The following ADARB1 variants were observed in gnomAD, a reference collection of about 807,000 sequenced individuals.
ADARB1 encodes the protein double-stranded RNA-specific editase 1.
In ADARB1, 10 loss-of-function variants were observed where a neutral mutation model predicts 52.4. That is an observed-to-expected ratio of 0.19 (90% CI 0.12 to 0.32). ADARB1 has a LOEUF of 0.32. ADARB1 is among the 10% of genes least tolerant of loss of function. ADARB1 has a pLI of 1.00. For missense variants in ADARB1, 643 were observed against 922.3 expected, an observed-to-expected ratio of 0.70 and a Z score of 3.92; for synonymous variants, 349 against 371.1, an observed-to-expected ratio of 0.94 and a Z score of 0.68.
chr21:45,190,769 T>C (rs1033017429), intron 8 of ADARB1, among the ~76,000 whole-genome samples: 4 of 152,226 alleles, frequency 2.6e-5, no homozygotes, highest in Non-Finnish European at 5.9e-5. Flanking sequence ...CCGAGTCTGA[T>C]GAGACTCAGG....
chr21:45,126,543 C>T (rs866429614), intron 1 of ADARB1, among the ~76,000 whole-genome samples: 61 of 152,168 alleles, frequency 4.0e-4, no homozygotes, highest in African/African-American at 1.2e-3. Context: ...GCACCATCTG[C>T]GGCGGGTGTT....
rs181594186 is a variant in ADARB1, at chr21:45,130,367, G to A, written c.-48+1794G>A. ...CATAGAAAAAATAATCAGGCCAGAA[G>A]GAGATATCTAAAGCATGTGCTGAGA... On this transcript the variant is annotated intron_variant, in intron 2 of 10. Coordinates refer to ENST00000348831, the MANE Select transcript of ADARB1 (RefSeq NM_001112.4). Among the ~76,000 whole-genome samples the A allele has an allele frequency of 3.1e-3, 474 of 152,258 alleles. 2 individuals are homozygous for A. The highest frequency in any genetic ancestry group is 0.014 in the Middle Eastern group (4 of 294).
In ADARB1 at chr21:45,172,537, A is replaced by C. The variant is rs2091526278; in HGVS notation, c.28+853A>C. Among the ~76,000 whole-genome samples, 1 of 151,900 alleles carries C rather than the reference A, an allele frequency of 6.6e-6. No homozygotes were observed. Among genetic ancestry groups the C allele is most frequent in the African/African-American group, 2.4e-5 (1 of 41,330 alleles). On this transcript the variant is annotated intron_variant, in intron 3 of 10. Transcript: ENST00000348831. The surrounding 1 kb of genome is among the most constrained non-coding windows in gnomAD (Gnocchi z 4.4). The stretch of plus-strand genomic sequence containing the variant: ...ACCGATGATCTGGGGTCTTGGAGTC[A>C]CTCTTGCGTACCATGTAGAACCCAA...
chr21:45,080,865 G>A (rs942506347), intron 1 of ADARB1, among the ~76,000 whole-genome samples: 6 of 152,124 alleles, frequency 3.9e-5, no homozygotes, highest in African/African-American at 1.4e-4. Flanking sequence ...TGTTGCTTTG[G>A]GCCTGTTGCA....
chr21:45,143,513 T>C (rs1004102524), intron 2 of ADARB1, among the ~76,000 whole-genome samples: 5 of 152,226 alleles, frequency 3.3e-5, no homozygotes, highest in African/African-American at 9.6e-5. Flanking sequence ...TGAGTGTTCC[T>C]TTTAAAACTA....
At chr21:45,181,830 A>T (rs2091942149) in intron 5 of ADARB1, among the ~76,000 whole-genome samples, 1 of 152,208 alleles carries the variant, frequency 6.6e-6, no homozygotes, top group African/African-American at 2.4e-5. Context: ...CCTCATCTAT[A>T]CAGTGGAGAC....
chr21:45,181,590 G>A (rs1339341394), intron 5 of ADARB1: 2 of 152,642 alleles, frequency 1.3e-5, no homozygotes, highest in African/African-American at 4.8e-5. Context: ...TGTTGTTGTT[G>A]TTGTTTTGTT....
chr21:45,083,935 A>G (rs965573584), intron 1 of ADARB1, among the ~76,000 whole-genome samples: 2 of 152,214 alleles, frequency 1.3e-5, no homozygotes, highest in African/African-American at 4.8e-5. Context: ...TCCTGGACTC[A>G]AGGGATCCAA....
In ADARB1 at chr21:45,208,961, T is replaced by C. The variant is rs139706032; in HGVS notation, c.1747+4225T>C. Among the ~76,000 whole-genome samples the C allele has an allele frequency of 3.9e-5, 6 of 152,318 alleles. No individual in the cohort carries two copies. The East Asian group carries it at 1.2e-3, about 29-fold the overall frequency. On this transcript the variant is annotated intron_variant, in intron 9 of 10. Transcript: ENST00000348831. This position sits in a 1 kb window ranked among gnomAD's most constrained non-coding sequence, Gnocchi z 5.6. ...ACTTTCTGTTTTCCTCCCCTTTGCT[T>C]TTGCTGGACCGATTAAATTGTCTTT...
intron 2 of ADARB1, among the ~76,000 whole-genome samples, chr21:45,129,732 G>T (rs1174107658): frequency 1.3e-5 from 2 of 152,176 alleles, no homozygotes; most frequent in Non-Finnish European, 2.9e-5. Context: ...TAGGTAGGGG[G>T]CGGTCACCAG....
intron 4 of ADARB1, among the ~76,000 whole-genome samples, chr21:45,178,519 C>T (rs780965465): frequency 3.3e-5 from 5 of 152,208 alleles, no homozygotes; most frequent in Non-Finnish European, 5.9e-5. Flanking sequence ...CGGAATGTGA[C>T]GTGTTCCTTG....
intron 9 of ADARB1, among the ~76,000 whole-genome samples, chr21:45,210,969 T>C (rs2092757252): frequency 6.6e-6 from 1 of 152,252 alleles, no homozygotes; most frequent in Non-Finnish European, 1.5e-5. Flanking sequence ...CTGAGGCTCC[T>C]TCCACAGCTG....
chr21:45,089,237 G>T (rs921370296), intron 1 of ADARB1, among the ~76,000 whole-genome samples: 2 of 152,206 alleles, frequency 1.3e-5, no homozygotes, highest in Admixed American at 6.5e-5. Flanking sequence ...ACAAATCTAT[G>T]ATTTTAGAGG....
intron 1 of ADARB1, among the ~76,000 whole-genome samples, chr21:45,081,782 AGGG>A (rs2086161189): frequency 6.6e-6 from 1 of 152,116 alleles, no homozygotes; most frequent in Non-Finnish European, 1.5e-5. Flanking sequence ...TCATGTCAGG[AGGG>A]GGGACAACAG....
chr21:45,214,442 T>C (rs940337364), intron 9 of ADARB1, among the ~76,000 whole-genome samples: 2 of 152,252 alleles, frequency 1.3e-5, no homozygotes, highest in Non-Finnish European at 2.9e-5. Flanking sequence ...ATATTATGTC[T>C]AAGAAATATT....
intron 1 of ADARB1, among the ~76,000 whole-genome samples, chr21:45,093,965 T>C (rs974968874): frequency 3.3e-5 from 5 of 152,224 alleles, no homozygotes; most frequent in Admixed American, 2.6e-4. Context: ...ACTGGTGATT[T>C]GTTAGTCATT....
intron 1 of ADARB1, among the ~76,000 whole-genome samples, chr21:45,122,045 C>T (rs1010960146): frequency 2.0e-5 from 3 of 152,226 alleles, no homozygotes; most frequent in African/African-American, 7.2e-5. Flanking sequence ...TTTCTCTTGA[C>T]CTGTACTTTA....
chr21:45,149,407 G>T (rs1482087732), intron 2 of ADARB1, among the ~76,000 whole-genome samples: 1 of 152,254 alleles, frequency 6.6e-6, no homozygotes, highest in Non-Finnish European at 1.5e-5. Flanking sequence ...ACTGGCAGGG[G>T]TTGGGGCACC....
At chr21:45,175,411 G>A (rs2091651583) in intron 3 of ADARB1, among the ~76,000 whole-genome samples, 1 of 151,992 alleles carries the variant, frequency 6.6e-6, no homozygotes, top group African/African-American at 2.4e-5. Context: ...TTTTGATAAG[G>A]TTGAAAAAGT....
Sources: allele counts gnomAD v4.1 joint callset (sites outside exome capture counted in the v4.1 genomes callset), GRCh38; gene constraint gnomAD v4.1.1; non-coding constraint Gnocchi (gnomAD v3.1); transcripts MANE v1.5; gene names NCBI Gene and HGNC (gene_info 2026-07-23, HGNC 2026-07-21).